The following AGMO variants were observed in gnomAD, a reference collection of about 807,000 sequenced individuals.
AGMO encodes glyceryl-ether monooxygenase.
Under a neutral mutation model 60.2 loss-of-function variants are expected in AGMO, and 75 were observed. The observed-to-expected ratio is 1.25, with a 90% confidence interval of 1.03 to 1.51. The LOEUF is 1.51. Among genes scored for constraint, AGMO ranks in the 40% most tolerant of loss-of-function variants. AGMO has a pLI of 0.00. For synonymous variants in AGMO, 261 were observed against 177.1 expected (o/e 1.47, Z -3.76); for missense variants, 763 against 525.5 (o/e 1.45, Z -4.42).
intron 12 of AGMO, among the ~76,000 whole-genome samples, chr7:15,288,265 C>G (rs1275502966): frequency 6.6e-6 from 1 of 151,866 alleles, no homozygotes. Flanking sequence ...ATCTCCTGAC[C>G]TCGAAAATAC....
chr7:15,448,121 A>G (rs1332510356), intron 3 of AGMO, among the ~76,000 whole-genome samples: 2 of 152,138 alleles, frequency 1.3e-5, no homozygotes, highest in African/African-American at 4.8e-5. Flanking sequence ...AATCCTTTGA[A>G]CCATCCAATG....
At chr7:15,414,522 A>G (rs1426584137) in intron 5 of AGMO, among the ~76,000 whole-genome samples, 1 of 152,002 alleles carries the variant, frequency 6.6e-6, no homozygotes, top group African/African-American at 2.4e-5. Flanking sequence ...AGGTGGGGAG[A>G]GAGAGAGAGA....
the AGMO span, among the ~76,000 whole-genome samples, chr7:15,169,501 A>G: frequency 6.6e-6 from 1 of 151,754 alleles, no homozygotes; most frequent in Non-Finnish European, 1.5e-5. Flanking sequence ...CAGTGCTGCA[A>G]TCTCGGCTCA....
chr7:15,385,461 G>T lies in AGMO; in HGVS notation c.1059C>A (p.Thr353=). ...FALMLAFYEE[T]FADTAALSQV... is the part of the protein sequence containing the mutation. ...TATTACTTACAGCTGTATCTGCAAA[G>T]GTCTCTTCATAAAATGCCAACATCA... Residue 353 remains threonine (T), a synonymous_variant, in exon 10 of 13, where the codon ACC becomes ACA. Transcript: ENST00000342526. The T allele has an allele frequency of 6.3e-7, 1 of 1,587,594 alleles. No homozygotes were observed. The highest frequency in any genetic ancestry group is 8.6e-7 in the Non-Finnish European group (1 of 1,156,522).
chr7:15,274,104 T>C (rs957085189), intron 12 of AGMO, among the ~76,000 whole-genome samples: 6 of 152,212 alleles, frequency 3.9e-5, no homozygotes, highest in Admixed American at 6.5e-5. Context: ...CCTAATTGAA[T>C]ACCCTTTATT....
chr7:15,547,550 G>A (rs1257575346), intron 2 of AGMO, among the ~76,000 whole-genome samples: 2 of 152,132 alleles, frequency 1.3e-5, no homozygotes, highest in Admixed American at 1.3e-4. Context: ...CAAAGAAAGG[G>A]GTGACAGACG....
intron 12 of AGMO, chr7:15,358,299 T>G: frequency 2.5e-6 from 1 of 405,140 alleles, no homozygotes; most frequent in South Asian, 1.9e-5. Flanking sequence ...TGGTTTCTTC[T>G]GCACATAAAA....
chr7:15,380,317 C>T (rs377275804), intron 10 of AGMO, among the ~76,000 whole-genome samples: 4 of 152,032 alleles, frequency 2.6e-5, no homozygotes, highest in African/African-American at 4.8e-5. Flanking sequence ...GCAAAGTCTC[C>T]GGATACAAAA....
chr7:15,170,194 G>GAA, the AGMO span, among the ~76,000 whole-genome samples: 1 of 152,346 alleles, frequency 6.6e-6, no homozygotes, highest in Non-Finnish European at 1.5e-5. Flanking sequence ...GCCAGGAGCT[G>GAA]AAAGGGAGAG....
the AGMO span, among the ~76,000 whole-genome samples, chr7:15,188,917 G>C: frequency 1.3e-5 from 2 of 152,164 alleles, no homozygotes; most frequent in Admixed American, 6.5e-5. Flanking sequence ...AACCAGTTGT[G>C]TCCAAGAGAG....
intron 12 of AGMO, among the ~76,000 whole-genome samples, chr7:15,338,838 T>C (rs753020899): frequency 1.1e-4 from 17 of 152,112 alleles, no homozygotes; most frequent in Non-Finnish European, 1.6e-4. Context: ...GCTTCACTCA[T>C]CAAAATAAAA....
At position 15,394,101 on chromosome 7, in the gene AGMO, A is replaced by G. The variant is rs1339992074; in HGVS notation, c.676+12T>C. On this transcript the variant is annotated intron_variant, in intron 6 of 12. Transcript: ENST00000342526. Reference sequence around the variant, plus strand: ...AAATGAAGAAAAGAGAGAAGAAACAAAACTTCCTTACCATGATGAACCCTA... The same window carrying G: ...AAATGAAGAAAAGAGAGAAGAAACAGAACTTCCTTACCATGATGAACCCTA... 6.3e-7 allele frequency: 1 copy of G among 1,593,540 alleles called. No homozygotes were observed. The highest frequency in any genetic ancestry group is 8.6e-7 in the Non-Finnish European group (1 of 1,168,428).
At chr7:15,173,377 C>T in the AGMO span, among the ~76,000 whole-genome samples, 18 of 152,104 alleles carry the variant, frequency 1.2e-4, no homozygotes, top group Non-Finnish European at 1.8e-4. Flanking sequence ...ATGTCATTTA[C>T]TTTTATGGAC....
rs746536370 is a variant in AGMO at position 15,418,600 on chromosome 7, A to G, written c.567T>C (p.His189=). ...LFIPPSVYAV[H]LQFNLLYQFW... ...ATTGGTAAAGAAGATTGAATTGAAGATGAACAGCATATACTGAAGGGGGTA... is the reference window on the plus strand; with the variant it reads ...ATTGGTAAAGAAGATTGAATTGAAGGTGAACAGCATATACTGAAGGGGGTA... The change falls in exon 5 of 13, where the codon CAT becomes CAC. Residue 189 remains histidine (H), a synonymous_variant. Coordinates refer to ENST00000342526, the MANE Select transcript of AGMO (RefSeq NM_001004320.2). 2 of 1,588,726 alleles carry G rather than the reference A, an allele frequency of 1.3e-6. No individual in the cohort carries two copies. Among genetic ancestry groups the G allele is most frequent in the East Asian group, 4.6e-5 (2 of 43,310 alleles).
At chr7:15,554,979 A>T (rs533890967) in intron 2 of AGMO, among the ~76,000 whole-genome samples, 1 of 151,962 alleles carries the variant, frequency 6.6e-6, no homozygotes, top group African/African-American at 2.4e-5. Flanking sequence ...TTAAGAAAGC[A>T]AGTGACATTT....
chr7:15,521,884 A>G (rs565710304), intron 3 of AGMO, among the ~76,000 whole-genome samples: 1 of 152,180 alleles, frequency 6.6e-6, no homozygotes, highest in African/African-American at 2.4e-5. Flanking sequence ...AGGGTATTCA[A>G]ATAGGAAGAG....
chr7:15,418,569 T>A lies in AGMO; in HGVS notation c.598A>T (p.Ile200Phe), dbSNP rs146442781. 6.8e-4 allele frequency: 1,088 copies of A among 1,588,506 alleles called. 6 individuals carry two copies. The African/African-American group carries it at 0.013, about 19-fold the overall frequency. The change falls in exon 5 of 13, where the codon ATC becomes TTC. Residue 200 changes from isoleucine to phenylalanine, a missense_variant. Coordinates refer to ENST00000342526, the MANE Select transcript of AGMO (RefSeq NM_001004320.2). ...AAAAAAAGTTTTACCTCTGTATGGA[T>A]CCAAAATTGGTAAAGAAGATTGAAT... ...LQFNLLYQFWIHTEVINNLGP... is the reference protein window; with the variant it reads ...LQFNLLYQFWFHTEVINNLGP...
intron 12 of AGMO, among the ~76,000 whole-genome samples, chr7:15,227,263 C>T (rs908366021): frequency 6.6e-6 from 1 of 151,986 alleles, no homozygotes; most frequent in Non-Finnish European, 1.5e-5. Flanking sequence ...AAGCAAACTT[C>T]AGCCAATCAC....
intron 12 of AGMO, among the ~76,000 whole-genome samples, chr7:15,300,012 C>T (rs964616719): frequency 1.3e-4 from 20 of 151,912 alleles, no homozygotes; most frequent in African/African-American, 4.6e-4. Flanking sequence ...TAGAAACTGA[C>T]CAAAGCATGG....
Sources: allele counts gnomAD v4.1 joint callset (sites outside exome capture counted in the v4.1 genomes callset), GRCh38; gene constraint gnomAD v4.1.1; transcripts MANE v1.5; gene names NCBI Gene and HGNC (gene_info 2026-07-23, HGNC 2026-07-21).